DCAF12: variants seen among roughly 807,000 people sequenced by gnomAD.
DCAF12 encodes DDB1- and CUL4-associated factor 12.
A neutral mutation model predicts 52.8 loss-of-function variants in DCAF12; 28 were observed. The ratio of observed to expected loss-of-function variants is 0.53; its 90% confidence interval spans 0.39 to 0.73. The LOEUF (loss-of-function observed/expected upper bound fraction) is 0.73. Ranked by LOEUF, DCAF12 falls within the 30% of genes least tolerant of loss-of-function variation. The pLI is 0.00. For synonymous variants in DCAF12, 196 were observed against 215.5 expected, an observed-to-expected ratio of 0.91 and a Z score of 0.79; for missense variants, 425 against 552.2, an observed-to-expected ratio of 0.77 and a Z score of 2.31.
chr9:34,107,030 G>C (rs972746065), intron 3 of DCAF12, among the ~76,000 whole-genome samples: 1 of 152,174 alleles, frequency 6.6e-6, no homozygotes, highest in Non-Finnish European at 1.5e-5. Context: ...CAAGAGGACA[G>C]GGGCTTTATC....
intron 7 of DCAF12, among the ~76,000 whole-genome samples, chr9:34,091,714 C>T (rs1295551707): frequency 6.9e-6 from 1 of 145,502 alleles, no homozygotes; most frequent in Non-Finnish European, 1.5e-5. Context: ...CAGGAATAAA[C>T]ACTACTTGAA....
rs756564105 is a variant in DCAF12, at chr9:34,093,248, T to C, written c.1024+38A>G. The C allele has an allele frequency of 4.3e-6, 7 of 1,612,420 alleles. No individual in the cohort carries two copies. The Admixed American group carries it at 6.7e-5, about 15-fold the overall frequency. ...ACTGAAAGTCAGAACCCATATGCAG[T>C]GCAGCTGTAGGCCTGAGGTGCACAC... On this transcript the variant is annotated intron_variant, in intron 7 of 8. Transcript: ENST00000361264.
At chr9:34,096,619 G>C (rs1338278760) in intron 6 of DCAF12, 97 bp downstream of exon 6, 7 of 1,151,872 alleles carry the variant, frequency 6.1e-6, no homozygotes, top group African/African-American at 3.1e-5. Flanking sequence ...TAAATGAATA[G>C]ATAAAATAAA....
chr9:34,126,218 A>C, intron 1 of DCAF12, 136 bp downstream of exon 1: 1 of 1,105,294 alleles, frequency 9.0e-7, no homozygotes, highest in Non-Finnish European at 1.3e-6. Flanking sequence ...TCCTGACCCT[A>C]TAGGCCCTGA....
chr9:34,106,068 C>A (rs1828899702), intron 4 of DCAF12, among the ~76,000 whole-genome samples: 1 of 150,542 alleles, frequency 6.6e-6, no homozygotes, highest in African/African-American at 2.4e-5. Context: ...AATTTTCTTA[C>A]AATAAATGTG....
chr9:34,094,192 G>C (rs1828697307), intron 6 of DCAF12, among the ~76,000 whole-genome samples: 1 of 152,072 alleles, frequency 6.6e-6, no homozygotes, highest in Admixed American at 6.6e-5. Flanking sequence ...ATCACCTGAG[G>C]TCAGGAGTTT....
chr9:34,115,780 T>G (rs1478805532), intron 2 of DCAF12, among the ~76,000 whole-genome samples: 1 of 151,986 alleles, frequency 6.6e-6, no homozygotes, highest in East Asian at 1.9e-4. Context: ...GCCACTTTGT[T>G]GCCCATGTTG....
chr9:34,123,816 A>G (rs541194280), intron 2 of DCAF12, among the ~76,000 whole-genome samples: 1 of 152,142 alleles, frequency 6.6e-6, no homozygotes, highest in East Asian at 1.9e-4. Flanking sequence ...ACTCCAAGTG[A>G]CAAGGATGAC....
chr9:34,102,115 C>T (rs1354545458), intron 4 of DCAF12, among the ~76,000 whole-genome samples: 1 of 151,332 alleles, frequency 6.6e-6, no homozygotes, highest in Non-Finnish European at 1.5e-5. Context: ...CATGGCAAAA[C>T]CCTGTCTCTA....
At chr9:34,088,842 G>C (rs902337889) in intron 8 of DCAF12, among the ~76,000 whole-genome samples, 13 of 152,158 alleles carry the variant, frequency 8.5e-5, no homozygotes, top group Admixed American at 2.0e-4. Flanking sequence ...GGGCGCAGTG[G>C]TTCATGGCTG....
intron 4 of DCAF12, among the ~76,000 whole-genome samples, chr9:34,100,193 A>C (rs1828804361): frequency 2.3e-5 from 3 of 131,364 alleles, no homozygotes; most frequent in African/African-American, 2.8e-5. Context: ...CACCCCCATG[A>C]CTGGCTTTTT....
At chr9:34,114,609 T>C (rs1829055432) in intron 2 of DCAF12, among the ~76,000 whole-genome samples, 1 of 152,144 alleles carries the variant, frequency 6.6e-6, no homozygotes, top group Admixed American at 6.6e-5. Flanking sequence ...TTTCCCAGAA[T>C]GAGGCTGCTC....
chr9:34,125,641 C>T (rs1829237570), intron 1 of DCAF12: 3 of 473,632 alleles, frequency 6.3e-6, no homozygotes, highest in Non-Finnish European at 1.3e-5. Context: ...CCCCTTCTCC[C>T]TCTCAGTCTG....
In DCAF12 at chr9:34,088,425, A is replaced by T; in HGVS notation, c.1287T>A (p.Ser429=). The T allele has an allele frequency of 6.2e-7, 1 of 1,614,142 alleles. No individual in the cohort carries two copies. The highest frequency in any genetic ancestry group is 8.5e-7 in the Non-Finnish European group (1 of 1,179,978). Residue 429 remains serine, a synonymous_variant, in exon 9 of 9, where the codon TCT becomes TCA. Coordinates refer to ENST00000361264, the MANE Select transcript of DCAF12 (RefSeq NM_015397.4). ...CTCCTGCCACAAAGAGTTTCGTTCC[A>T]GACGAGTCGTAGCAGTGGGTGTAAA... ...NAVYTHCYDS[S]GTKLFVAGGP...
chr9:34,112,696 C>T (rs757219157), intron 2 of DCAF12, among the ~76,000 whole-genome samples: 2 of 151,714 alleles, frequency 1.3e-5, no homozygotes, highest in African/African-American at 2.4e-5. Flanking sequence ...GTTGGGAGTT[C>T]GAGACCAGCC....
intron 2 of DCAF12, among the ~76,000 whole-genome samples, chr9:34,107,794 T>C (rs985444091): frequency 7.2e-5 from 11 of 152,116 alleles, no homozygotes; most frequent in African/African-American, 2.4e-4. Flanking sequence ...GAACACAGAT[T>C]AGGAAGCAGT....
chr9:34,094,424 A>G (rs1828700587), intron 6 of DCAF12, among the ~76,000 whole-genome samples: 1 of 151,856 alleles, frequency 6.6e-6, no homozygotes, highest in Non-Finnish European at 1.5e-5. Context: ...TAAAAAAAAG[A>G]CAAATGATTC....
At chr9:34,115,290 A>C (rs1829066568) in intron 2 of DCAF12, among the ~76,000 whole-genome samples, 3 of 151,904 alleles carry the variant, frequency 2.0e-5, no homozygotes, top group African/African-American at 2.4e-5. Context: ...TATGTATCAA[A>C]CATTAAAAAT....
chr9:34,125,708 C>A, intron 1 of DCAF12: 1 of 380,338 alleles, frequency 2.6e-6, no homozygotes, highest in South Asian at 1.9e-5. Flanking sequence ...GCTCCCAGGT[C>A]TTCCAGGGAT....
Sources: allele counts gnomAD v4.1 joint callset (sites outside exome capture counted in the v4.1 genomes callset), GRCh38; gene constraint gnomAD v4.1.1; transcripts MANE v1.5; gene names NCBI Gene and HGNC (gene_info 2026-07-23, HGNC 2026-07-21).